NUP35: variants seen among roughly 807,000 people sequenced by gnomAD.
The protein encoded by NUP35 is nucleoporin NUP35.
A neutral mutation model predicts 41.5 loss-of-function variants in NUP35; 25 were observed. That is an observed-to-expected ratio of 0.60 (90% CI 0.44 to 0.84). The LOEUF (loss-of-function observed/expected upper bound fraction) is 0.84, where lower values mean the gene tolerates loss of function less well. Among genes scored for constraint, NUP35 ranks in the 40% least tolerant of loss-of-function variants. The probability of loss-of-function intolerance (pLI) is 0.00; values close to 1 mark genes in which losing one functional copy is unlikely to be tolerated. For synonymous variants in NUP35, 149 were observed against 130.7 expected, an observed-to-expected ratio of 1.14 and a Z score of -0.96; for missense variants, 396 against 396.6, an observed-to-expected ratio of 1.00 and a Z score of 0.01.
Position 183,128,370 on chromosome 2 carries a change from G to A in NUP35, c.124G>A (p.Asp42Asn). The A allele has an allele frequency of 6.2e-7, 1 of 1,613,968 alleles. No individual in the cohort carries two copies. Among genetic ancestry groups the A allele is most frequent in the Non-Finnish European group, 8.5e-7 (1 of 1,179,942 alleles). Residue 42 changes from aspartate (D) to asparagine (N), a missense_variant, in exon 2 of 9, where the codon GAT (aspartate) becomes AAT (asparagine). Coordinates refer to ENST00000295119, the MANE Select transcript of NUP35 (RefSeq NM_138285.5). The stretch of plus-strand genomic sequence containing the variant: ...GTTCTTACCTGGATTTTTAATGGGG[G>A]ATTTGCCAGCTCCGGTGACTCCACA... ...AQFLPGFLMG[D>N]LPAPVTPQPR...
Position 183,159,621 on chromosome 2 carries a change from C to T in NUP35, c.872C>T (p.Thr291Ile). 2 of 1,613,154 alleles carry T rather than the reference C, an allele frequency of 1.2e-6. No individual in the cohort carries two copies. The highest frequency in any genetic ancestry group is 1.7e-6 in the Non-Finnish European group (2 of 1,179,478). ...PRISTMRPLA[T>I]AYKASTSDYQ... is the part of the protein sequence containing the mutation. ...ATTTCTACCATGAGACCTCTTGCTA[C>T]AGCATACAAAGCCTCTACTAGTGAT... The change falls in exon 8 of 9, where the codon ACA becomes ATA. Residue 291 changes from threonine (T) to isoleucine (I), a missense_variant. Thr to Ile is a moderately conservative substitution (Grantham distance 89, BLOSUM62 -1). Coordinates refer to ENST00000295119, the MANE Select transcript of NUP35 (RefSeq NM_138285.5).
intron 5 of NUP35, among the ~76,000 whole-genome samples, chr2:183,154,457 C>T (rs1685578029): frequency 6.6e-6 from 1 of 152,172 alleles, no homozygotes; most frequent in Non-Finnish European, 1.5e-5. Flanking sequence ...AAATTTCTTC[C>T]ACCAGATACC....
chr2:183,144,502 T>C (rs1371816326), intron 4 of NUP35, among the ~76,000 whole-genome samples: 1 of 152,238 alleles, frequency 6.6e-6, no homozygotes, highest in Admixed American at 6.5e-5. Context: ...TACTAGTCTT[T>C]TAATCTCTTT....
In NUP35 at chr2:183,159,774, T is replaced by A; in HGVS notation, c.903+122T>A. 9.7e-6 allele frequency: 7 copies of A among 718,702 alleles called. No individual in the cohort carries two copies. In the South Asian group the frequency reaches 1.5e-4, roughly 16 times the overall value. 44.5% of individuals were successfully genotyped at this position (718,702 alleles called of 1,614,324 possible). A position where few individuals can be genotyped will look rare whatever the true frequency, so the allele number is the denominator to read the frequency against. ...TTTCCTGTGGAGGCTATTACCTTGA[T>A]GAAACCTTTACGCTTTAAAAGTTTT... is the stretch of plus-strand genomic sequence containing the variant. On this transcript the variant is annotated intron_variant, in intron 8 of 8. Coordinates refer to ENST00000295119, the MANE Select transcript of NUP35 (RefSeq NM_138285.5).
intron 4 of NUP35, among the ~76,000 whole-genome samples, chr2:183,135,257 A>G (rs542306896): frequency 6.6e-6 from 1 of 152,328 alleles, no homozygotes; most frequent in East Asian, 1.9e-4. Context: ...TATTCCACCT[A>G]CCACTGATAG....
chr2:183,121,337 C>A (rs561763548), upstream of NUP35, among the ~76,000 whole-genome samples: 362 of 152,038 alleles, frequency 2.4e-3, 2 homozygotes, highest in African/African-American at 8.2e-3. Flanking sequence ...ATAGACACTT[C>A]TTTTGAGATT....
chr2:183,161,167 GAGTT>G lies in NUP35; in HGVS notation c.*39_*42del. On this transcript the variant is annotated 3_prime_UTR_variant, in exon 9 of 9. Coordinates refer to ENST00000295119, the MANE Select transcript of NUP35 (RefSeq NM_138285.5). ...AGAAGGAGGTTGCTACACTAAAACA[GAGTT>G]AGCAGAGTGCTGCTGGTTCCTTCGG... 6.9e-7 allele frequency: 1 copy of G among 1,459,030 alleles called. No individual in the cohort carries two copies. The highest frequency in any genetic ancestry group is 9.6e-7 in the Non-Finnish European group (1 of 1,042,530). The allele number at this position is 1,459,030 out of a possible 1,614,324, so 90.4% of individuals were successfully genotyped here.
chr2:183,135,992 C>T (rs1331566522), intron 4 of NUP35, among the ~76,000 whole-genome samples: 3 of 152,142 alleles, frequency 2.0e-5, no homozygotes, highest in African/African-American at 7.2e-5. Context: ...AAAGGAACAC[C>T]CAATACAAAT....
At chr2:183,124,304 C>A, upstream of NUP35, 1 of 1,498,480 alleles carries the variant, frequency 6.7e-7, no homozygotes, top group Non-Finnish European at 8.9e-7. Flanking sequence ...TTGCCCTATT[C>A]CAAAATGGCT....
chr2:183,135,225 T>C (rs1684834040), intron 4 of NUP35, among the ~76,000 whole-genome samples: 1 of 152,222 alleles, frequency 6.6e-6, no homozygotes, highest in Non-Finnish European at 1.5e-5. Flanking sequence ...GTCATGGACA[T>C]CATTTGGGGA....
At chr2:183,145,747 A>G (rs1685255955) in intron 4 of NUP35, among the ~76,000 whole-genome samples, 1 of 152,250 alleles carries the variant, frequency 6.6e-6, no homozygotes, top group Non-Finnish European at 1.5e-5. Context: ...TTAGTAATAC[A>G]TAACTTCAAT....
At position 183,143,111 on chromosome 2, in the gene NUP35, G is replaced by T. The variant is rs1035911238; in HGVS notation, c.398-8397G>T. ...GCGGAGCTTGCAGTGAGCTGAGATC[G>T]AGCCACTGCACTCCAGCCTGGGTGA... On this transcript the variant is annotated intron_variant, in intron 4 of 8. Transcript: ENST00000295119. Among the ~76,000 whole-genome samples the T allele has an allele frequency of 2.0e-5, 3 of 148,222 alleles. No individual in the cohort carries two copies. In the East Asian group the frequency reaches 5.9e-4, roughly 29 times the overall value.
At chr2:183,132,358 G>C (rs942654677) in intron 3 of NUP35, among the ~76,000 whole-genome samples, 1 of 151,696 alleles carries the variant, frequency 6.6e-6, no homozygotes, top group Admixed American at 6.6e-5. Flanking sequence ...TTTGAGATCA[G>C]CTTGGGCTAC....
chr2:183,151,539 T>C lies in NUP35; in HGVS notation c.429T>C (p.Gly143=). The C allele has an allele frequency of 6.2e-7, 1 of 1,614,058 alleles. No individual in the cohort carries two copies. The highest frequency in any genetic ancestry group is 1.1e-5 in the South Asian group (1 of 91,080). ...GTATGTTTAGTCCAGCAAGTATCGG[T>C]CAGCCACGAAAGACGACATTATCTC... is the stretch of plus-strand genomic sequence containing the variant. ...GQSMFSPASI[G]QPRKTTLSPA... Residue 143 remains glycine, a synonymous_variant, in exon 5 of 9, where the codon GGT becomes GGC. Transcript: ENST00000295119.
intron 4 of NUP35, among the ~76,000 whole-genome samples, chr2:183,139,184 A>C (rs1203599456): frequency 6.6e-6 from 1 of 150,858 alleles, no homozygotes; most frequent in Non-Finnish European, 1.5e-5. Context: ...AACTTTACTT[A>C]ACATTATGGT....
intron 4 of NUP35, among the ~76,000 whole-genome samples, chr2:183,141,615 ACT>A (rs1218433668): frequency 6.6e-6 from 1 of 151,474 alleles, no homozygotes; most frequent in African/African-American, 2.4e-5. Context: ...TTTCTGTAAA[ACT>A]CTTGATTCTC....
intron 5 of NUP35, among the ~76,000 whole-genome samples, chr2:183,155,268 T>C (rs1685616176): frequency 6.6e-6 from 1 of 152,264 alleles, no homozygotes; most frequent in Non-Finnish European, 1.5e-5. Context: ...TAGTGGATTT[T>C]ATGTATTCAA....
intron 4 of NUP35, among the ~76,000 whole-genome samples, chr2:183,135,451 G>A (rs1684842541): frequency 6.6e-6 from 1 of 152,176 alleles, no homozygotes; most frequent in Admixed American, 6.5e-5. Flanking sequence ...AATGGGGGCA[G>A]ATGTATTACA....
At chr2:183,118,102 A>T (rs1700013497) in intron 1 of NUP35, among the ~76,000 whole-genome samples, 1 of 152,174 alleles carries the variant, frequency 6.6e-6, no homozygotes, top group Non-Finnish European at 1.5e-5. Context: ...TGTTGAAGAA[A>T]GGGCTCCCCA....
Sources: gnomAD v4.1 joint callset for allele counts (sites outside exome capture counted in the v4.1 genomes callset) on GRCh38, gnomAD v4.1.1 for gene constraint, MANE v1.5 for transcripts, NCBI Gene and HGNC (gene_info 2026-07-23, HGNC 2026-07-21) for gene names.